The following NR3C2 variants were observed in gnomAD, a reference collection of about 807,000 sequenced individuals.
The protein encoded by NR3C2 is mineralocorticoid receptor.
NR3C2 carries 15 observed loss-of-function variants against 86.4 expected under a neutral mutation model. The observed-to-expected ratio is 0.17, with a 90% CI of 0.12 to 0.27. NR3C2 has a LOEUF of 0.27. NR3C2 is among the 10% of genes least tolerant of loss of function. NR3C2 has a pLI of 1.00. For synonymous variants in NR3C2, 458 were observed against 450.5 expected (o/e 1.02, Z -0.21); for missense variants, 960 against 1,195.6 (o/e 0.80, Z 2.91).
At chr4:148,189,904 G>A (rs968465776) in intron 4 of NR3C2, among the ~76,000 whole-genome samples, 9 of 152,060 alleles carry the variant, frequency 5.9e-5, no homozygotes, top group African/African-American at 1.4e-4. Flanking sequence ...TTGTTCCTTA[G>A]TGAGGTTATT....
At chr4:148,300,279 T>C (rs1742273377) in intron 2 of NR3C2, among the ~76,000 whole-genome samples, 1 of 152,174 alleles carries the variant, frequency 6.6e-6, no homozygotes, top group Admixed American at 6.5e-5. Flanking sequence ...CTATGTGATC[T>C]TTGCCATTTG....
intron 3 of NR3C2, among the ~76,000 whole-genome samples, chr4:148,254,018 A>G (rs2149863969): frequency 6.6e-6 from 1 of 152,084 alleles, no homozygotes; most frequent in Admixed American, 6.6e-5. Flanking sequence ...GTCATCCTAG[A>G]TCTTTGCTTC....
At chr4:148,402,262 A>T (rs1748208334) in intron 2 of NR3C2, among the ~76,000 whole-genome samples, 1 of 152,220 alleles carries the variant, frequency 6.6e-6, no homozygotes, top group Admixed American at 6.5e-5. Flanking sequence ...TTCAGTAATT[A>T]TTCTGAACTA....
intron 3 of NR3C2, among the ~76,000 whole-genome samples, chr4:148,224,191 C>T (rs1579035585): frequency 6.6e-6 from 1 of 150,942 alleles, no homozygotes; most frequent in African/African-American, 2.4e-5. Flanking sequence ...CATGCAAATC[C>T]CTAATCTCAG....
intron 2 of NR3C2, among the ~76,000 whole-genome samples, chr4:148,375,916 A>G (rs990394067): frequency 2.0e-5 from 3 of 152,208 alleles, no homozygotes; most frequent in African/African-American, 7.2e-5. Context: ...TGAAACCAAG[A>G]TAATATCTCT....
chr4:148,186,992 GTATGTATA>G (rs1560967224), intron 4 of NR3C2, among the ~76,000 whole-genome samples: 1 of 10,366 alleles, frequency 9.6e-5, no homozygotes, highest in Non-Finnish European at 1.3e-4. Flanking sequence ...ATGTGTGTAT[GTATGTATA>G]TATATATATA....
intron 3 of NR3C2, among the ~76,000 whole-genome samples, chr4:148,213,584 C>T (rs1737386498): frequency 6.6e-6 from 1 of 152,052 alleles, no homozygotes; most frequent in Non-Finnish European, 1.5e-5. Context: ...TGGTCTTTCA[C>T]ATGTACTCAA....
Position 148,260,129 on chromosome 4 carries a change from A to T in NR3C2, c.1758-12T>A. The stretch of plus-strand genomic sequence containing the variant: ...TTCGTAAAGTAGAGCTGGGGAAAGA[A>T]ATTGAGATTTAAATAACTACACCGT... On this transcript the variant is annotated splice_polypyrimidine_tract_variant and intron_variant, in intron 2 of 8. Coordinates refer to ENST00000358102, the MANE Select transcript of NR3C2 (RefSeq NM_000901.5). The T allele has an allele frequency of 6.2e-7, 1 of 1,613,870 alleles. No individual in the cohort carries two copies. The highest frequency in any genetic ancestry group is 8.5e-7 in the Non-Finnish European group (1 of 1,179,894).
chr4:148,232,144 T>A (rs1579045497), intron 3 of NR3C2, among the ~76,000 whole-genome samples: 1 of 152,208 alleles, frequency 6.6e-6, no homozygotes, highest in Non-Finnish European at 1.5e-5. Context: ...ATCGTTTATG[T>A]TTTGGATTGT....
At chr4:148,359,836 T>A (rs543981713) in intron 2 of NR3C2, among the ~76,000 whole-genome samples, 1 of 152,144 alleles carries the variant, frequency 6.6e-6, no homozygotes, top group African/African-American at 2.4e-5. Context: ...GGCAATGTAA[T>A]GTACAGGAGA....
chr4:148,439,458 T>C (rs1750227803), intron 1 of NR3C2, among the ~76,000 whole-genome samples: 1 of 152,134 alleles, frequency 6.6e-6, no homozygotes, highest in Admixed American at 6.5e-5. Flanking sequence ...GAAGTTACTC[T>C]TGTCTCAACA....
At chr4:148,214,209 C>G (rs964814406) in intron 3 of NR3C2, among the ~76,000 whole-genome samples, 1 of 152,204 alleles carries the variant, frequency 6.6e-6, no homozygotes. Flanking sequence ...GAAACATTTT[C>G]AGATGCCAAG....
intron 2 of NR3C2, among the ~76,000 whole-genome samples, chr4:148,292,361 A>G (rs1345346280): frequency 6.6e-6 from 1 of 152,078 alleles, no homozygotes; most frequent in Non-Finnish European, 1.5e-5. Context: ...TACCTGGCAT[A>G]TATTAATGTC....
intron 2 of NR3C2, among the ~76,000 whole-genome samples, chr4:148,298,050 T>G (rs1324016964): frequency 6.6e-6 from 1 of 152,236 alleles, no homozygotes; most frequent in Non-Finnish European, 1.5e-5. Context: ...CTTCTAAGAC[T>G]AAACACATAT....
chr4:148,322,261 T>C (rs1392839918), intron 2 of NR3C2, among the ~76,000 whole-genome samples: 1 of 149,844 alleles, frequency 6.7e-6, no homozygotes, highest in African/African-American at 2.5e-5. Flanking sequence ...GTTAGTCTGA[T>C]GGGCTTCCCT....
rs548725919 is a variant in NR3C2 at position 148,355,117 on chromosome 4, T to C, written c.1757+79987A>G. 2.0e-5 allele frequency among the ~76,000 whole-genome samples: 3 copies of C among 152,306 alleles called. No homozygotes were observed. In the South Asian group the frequency reaches 6.2e-4, roughly 32 times the overall value. On this transcript the variant is annotated intron_variant, in intron 2 of 8. Coordinates refer to ENST00000358102, the MANE Select transcript of NR3C2 (RefSeq NM_000901.5). ...CCAAGGTTTAAAATGAGCTTTCTTA[T>C]TGAGAAACTAAGTGTAAATGTTCTA...
At chr4:148,374,427 G>A (rs1411486232) in intron 2 of NR3C2, among the ~76,000 whole-genome samples, 1 of 152,142 alleles carries the variant, frequency 6.6e-6, no homozygotes, top group Non-Finnish European at 1.5e-5. Flanking sequence ...GGCCCAGAAA[G>A]ACTCAATATC....
At chr4:148,248,297 C>A (rs1739415114) in intron 3 of NR3C2, among the ~76,000 whole-genome samples, 1 of 152,108 alleles carries the variant, frequency 6.6e-6, no homozygotes, top group Non-Finnish European at 1.5e-5. Context: ...AAAAACAAAA[C>A]AATTAAAACT....
At chr4:148,108,004 A>G (rs1731881439) in intron 8 of NR3C2, among the ~76,000 whole-genome samples, 1 of 152,198 alleles carries the variant, frequency 6.6e-6, no homozygotes, top group Non-Finnish European at 1.5e-5. Context: ...CCCAGAACTT[A>G]AAGTAAAATA....
Sources: allele counts gnomAD v4.1 joint callset (sites outside exome capture counted in the v4.1 genomes callset), GRCh38; gene constraint gnomAD v4.1.1; transcripts MANE v1.5; gene names NCBI Gene and HGNC (gene_info 2026-07-23, HGNC 2026-07-21).